The following CTBP2 variants were observed in gnomAD, a reference collection of about 807,000 sequenced individuals.
CTBP2 encodes C-terminal-binding protein 2.
In CTBP2, 30 loss-of-function variants were observed where a neutral mutation model predicts 80.3. The ratio of observed to expected loss-of-function variants is 0.37; its 90% CI spans 0.28 to 0.51. The LOEUF is 0.51. CTBP2 is among the 20% of genes least tolerant of loss of function. The pLI is 0.93. For synonymous variants in CTBP2, 594 were observed against 587.4 expected (o/e 1.01, Z -0.16); for missense variants, 1,212 against 1,375.3 (o/e 0.88, Z 1.88).
Position 124,987,092 on chromosome 10 carries a change from A to C in CTBP2, c.*2426T>G, listed in dbSNP as rs1158352857. 1 of 152,644 alleles carries C rather than the reference A, an allele frequency of 6.6e-6. No homozygotes were observed. The highest frequency in any genetic ancestry group is 1.5e-5 in the Non-Finnish European group (1 of 68,042). The allele number at this position is 152,644 out of a possible 1,614,324, so 9.5% of individuals were successfully genotyped here. A position where few individuals can be genotyped will look rare whatever the true frequency, so the allele number is the denominator to read the frequency against. On this transcript the variant is annotated 3_prime_UTR_variant, in exon 9 of 9. Coordinates refer to ENST00000309035, the MANE Select transcript of CTBP2 (RefSeq NM_022802.3). The stretch of plus-strand genomic sequence containing the variant: ...GGCTACAGACAGGAATGGGGCTCTA[A>C]ATGGTTTTCATAGACTGGCTGTTAA...
chr10:125,063,413 C>A (rs116747996), intron 2 of CTBP2, among the ~76,000 whole-genome samples: 1 of 152,192 alleles, frequency 6.6e-6, no homozygotes, highest in Admixed American at 6.5e-5. Flanking sequence ...CTTCTGCCCA[C>A]GTGAGGAACC....
chr10:125,026,627 A>G lies in CTBP2; in HGVS notation c.1133T>C (p.Leu378Pro). ...CAGAGAAGCCAAGTCACCATGGAGC[A>G]GTTCGCTTCGGTGGCTGAAGCTGCT... Residue 378 changes from leucine to proline, a missense_variant, in exon 1 of 9, where the codon CTG becomes CCG. Leu to Pro is a moderately conservative substitution (Grantham distance 98). Around this residue, in one of 3 missense-constraint regions of CTBP2, gnomAD observed 848 missense variants for 782.3 expected, o/e 1.08. Coordinates refer to ENST00000309035, the MANE Select transcript of CTBP2 (RefSeq NM_022802.3). 1.3e-6 allele frequency: 2 copies of G among 1,502,364 alleles called. No individual in the cohort carries two copies. Among genetic ancestry groups the G allele is most frequent in the Non-Finnish European group, 9.1e-7 (1 of 1,101,702 alleles). 93.1% of individuals were successfully genotyped at this position (1,502,364 alleles called of 1,614,324 possible).
At chr10:125,094,725 C>T (rs1379034336) in intron 2 of CTBP2, among the ~76,000 whole-genome samples, 1 of 152,112 alleles carries the variant, frequency 6.6e-6, no homozygotes, top group Non-Finnish European at 1.5e-5. Context: ...AGGACAGCCC[C>T]CCACAATGAA....
chr10:125,026,550 G>T lies in CTBP2; in HGVS notation c.1210C>A (p.Arg404Ser), dbSNP rs759915705. The T allele has an allele frequency of 2.5e-6, 4 of 1,572,338 alleles. No homozygotes were observed. The highest frequency in any genetic ancestry group is 3.4e-6 in the Non-Finnish European group (4 of 1,159,888). The change falls in exon 1 of 9, where the codon CGC (arginine) becomes AGC (serine). Residue 404 changes from arginine (R) to serine (S), a missense_variant. This residue lies in a region of CTBP2 where 848 missense variants were observed against 782.3 expected (regional missense o/e 1.08). Coordinates refer to ENST00000309035, the MANE Select transcript of CTBP2 (RefSeq NM_022802.3). ...TGAGATGGTGCGCTGGAGGGACGGCGAGCCGGGTCTCCAGCTCGGGGGGAT... is the reference window on the plus strand; with the variant it reads ...TGAGATGGTGCGCTGGAGGGACGGCTAGCCGGGTCTCCAGCTCGGGGGGAT...
intron 2 of CTBP2, among the ~76,000 whole-genome samples, chr10:125,094,296 T>C (rs1849219832): frequency 6.6e-6 from 1 of 152,128 alleles, no homozygotes; most frequent in African/African-American, 2.4e-5. Flanking sequence ...CAAATAAATC[T>C]GTCTGTCAAA....
At position 125,090,285 on chromosome 10, in the gene CTBP2, C is replaced by CAAAAAAAAAAAAAAAA. The variant is rs56714830; in HGVS notation, c.-102+20689_-102+20704dup. Among the ~76,000 whole-genome samples the CAAAAAAAAAAAAAAAA allele has an allele frequency of 4.9e-3, 319 of 65,340 alleles. 29 individuals carry two copies. Among genetic ancestry groups the CAAAAAAAAAAAAAAAA allele is most frequent in the African/African-American group, 0.02 (293 of 14,432 alleles). The allele number at this position is 65,340 out of a possible 152,430, so 42.9% of individuals were successfully genotyped here. On this transcript the variant is annotated intron_variant, in intron 2 of 10. Transcript: ENST00000337195. ...TCTGGGCGACAGAGAGTCCCTGGCT[C>CAAAAAAAAAAAAAAAA]AAAAAAAAAAAAAAAAAGGTTGGGG... is the stretch of plus-strand genomic sequence containing the variant.
At chr10:125,134,341 C>A (rs1856634886) in intron 1 of CTBP2, among the ~76,000 whole-genome samples, 1 of 152,162 alleles carries the variant, frequency 6.6e-6, no homozygotes, top group South Asian at 2.1e-4. Flanking sequence ...GCCCCCCCGC[C>A]CCGTGCCTTG....
At chr10:125,000,360 G>A (rs1030551695) in intron 3 of CTBP2, 1 of 152,268 alleles carries the variant, frequency 6.6e-6, no homozygotes, top group Non-Finnish European at 1.5e-5. Context: ...AGTGCCACAC[G>A]ATGGGTGGCT....
At chr10:125,142,272 G>T (rs1857965781) in intron 1 of CTBP2, among the ~76,000 whole-genome samples, 1 of 152,180 alleles carries the variant, frequency 6.6e-6, no homozygotes. Flanking sequence ...ATGGCACTGG[G>T]GAGAGGAGGG....
At chr10:125,081,516 T>C (rs76546814) in intron 2 of CTBP2, among the ~76,000 whole-genome samples, 10,149 of 152,296 alleles carry the variant, frequency 0.067, 449 homozygotes, top group Middle Eastern at 0.15. Context: ...GAAGATTATA[T>C]ACTCTGTGCG....
At chr10:125,062,267 A>T (rs12414266) in intron 2 of CTBP2, among the ~76,000 whole-genome samples, 9,573 of 152,274 alleles carry the variant, frequency 0.063, 398 homozygotes, top group Non-Finnish European at 0.085. Flanking sequence ...CTCAAAACTC[A>T]GCAAATGTTA....
chr10:125,027,277 G>A lies in CTBP2; in HGVS notation c.483C>T (p.Ala161=), dbSNP rs148416442. ...CTCCAGGATCCCGGTACAGGTGACCGGCGTCCTGCAGGGCAGGTGACCGGC... is the reference window on the plus strand; with the variant it reads ...CTCCAGGATCCCGGTACAGGTGACCAGCGTCCTGCAGGGCAGGTGACCGGC... The change falls in exon 1 of 9, where the codon GCC becomes GCT. Residue 161 remains alanine (A), a synonymous_variant. Coordinates refer to ENST00000309035, the MANE Select transcript of CTBP2 (RefSeq NM_022802.3). 63 of 1,613,474 alleles carry A rather than the reference G, an allele frequency of 3.9e-5. No homozygotes were observed. In the African/African-American group the frequency reaches 4.9e-4, roughly 13 times the overall value.
chr10:124,992,928 C>A, intron 7 of CTBP2, 116 bp from the exon 10 acceptor site: 3 of 935,744 alleles, frequency 3.2e-6, no homozygotes, highest in Non-Finnish European at 4.8e-6. Flanking sequence ...GTAGAACATC[C>A]AAAGGCCCAA....
chr10:124,999,114 A>C (rs1312857811), intron 3 of CTBP2: 1 of 152,330 alleles, frequency 6.6e-6, no homozygotes, highest in Admixed American at 6.5e-5. Context: ...GCCTGCTTGC[A>C]GCAGAGACCA....
At chr10:125,072,481 T>C (rs957442600) in intron 2 of CTBP2, among the ~76,000 whole-genome samples, 4 of 152,024 alleles carry the variant, frequency 2.6e-5, no homozygotes, top group South Asian at 2.1e-4. Context: ...TCAGGTGTGA[T>C]GGCAGGCGCC....
At chr10:125,038,009 A>C (rs1394814231) in intron 3 of CTBP2, among the ~76,000 whole-genome samples, 3 of 152,210 alleles carry the variant, frequency 2.0e-5, no homozygotes, top group Non-Finnish European at 4.4e-5. Flanking sequence ...ACTTTAAAAA[A>C]ACCCTTTAAC....
chr10:125,021,673 A>C lies in CTBP2; in HGVS notation c.1678+4409T>G, dbSNP rs141422058. Reference sequence around the variant, plus strand: ...CACAAGAAGGGCTGGGAGTCTCAGGAGGTCAGGCATCAGTCACAACCAGGG... The same window carrying C: ...CACAAGAAGGGCTGGGAGTCTCAGGCGGTCAGGCATCAGTCACAACCAGGG... On this transcript the variant is annotated intron_variant, in intron 1 of 8. Coordinates refer to ENST00000309035, the MANE Select transcript of CTBP2 (RefSeq NM_022802.3). Among the ~76,000 whole-genome samples, 532 of 152,260 alleles carry C rather than the reference A, an allele frequency of 3.5e-3. 8 individuals carry two copies. Among genetic ancestry groups the C allele is most frequent in the African/African-American group, 0.013 (521 of 41,544 alleles).
rs746879700 is a variant in CTBP2 at position 124,993,266 on chromosome 10, G to A, written c.2595C>T (p.Tyr865=). The A allele has an allele frequency of 2.5e-6, 4 of 1,610,650 alleles. No homozygotes were observed. Among genetic ancestry groups the A allele is most frequent in the Non-Finnish European group, 2.5e-6 (3 of 1,177,280 alleles). Residue 865 remains tyrosine (Y), a synonymous_variant, in exon 7 of 9, where the codon TAC becomes TAT. Coordinates refer to ENST00000309035, the MANE Select transcript of CTBP2 (RefSeq NM_022802.3). ...TCATCTCCAGTGACGCCTGCTCACT[G>A]TACCAGGCAGTGTGAGGAGTGCAGA... is the stretch of plus-strand genomic sequence containing the variant.
chr10:125,014,884 A>G (rs2134459741), intron 1 of CTBP2, among the ~76,000 whole-genome samples: 1 of 152,340 alleles, frequency 6.6e-6, no homozygotes, highest in African/African-American at 2.4e-5. Context: ...TGTCCTTTTC[A>G]GCAATAACCA....
Sources: allele counts gnomAD v4.1 joint callset (sites outside exome capture counted in the v4.1 genomes callset), GRCh38; gene constraint gnomAD v4.1.1; regional missense constraint gnomAD v4.1.1; transcripts MANE v1.5; gene names NCBI Gene and HGNC (gene_info 2026-07-23, HGNC 2026-07-21).